FSHR: variants seen among roughly 807,000 people sequenced by gnomAD.
FSHR encodes the protein follicle stimulating hormone receptor, also known as follicle-stimulating hormone receptor.
FSHR carries 46 observed loss-of-function variants against 52.1 expected under a neutral mutation model. The observed-to-expected ratio is 0.88, with a 90% CI of 0.70 to 1.13. FSHR has a LOEUF of 1.13. Ranked by LOEUF, FSHR falls within the 50% of genes most tolerant of loss-of-function variation. The probability of loss-of-function intolerance (pLI) is 0.00; values close to 1 mark genes in which losing one functional copy is unlikely to be tolerated. For synonymous variants in FSHR, 399 were observed against 309.6 expected, an observed-to-expected ratio of 1.29 and a Z score of -3.03; for missense variants, 964 against 834.6, an observed-to-expected ratio of 1.16 and a Z score of -1.91.
At chr2:49,034,928 G>A (rs1415992992) in intron 2 of FSHR, among the ~76,000 whole-genome samples, 1 of 152,162 alleles carries the variant, frequency 6.6e-6, no homozygotes, top group Non-Finnish European at 1.5e-5. Context: ...GTGGAATTTG[G>A]GCATTAGGGA....
chr2:48,968,887 TA>T lies in FSHR; in HGVS notation c.669-5del. ...GATCCTTGTTCTTGAAATATCTCTATAAAGAGAAAAGGTAAATATAACAGGA... is the reference window on the plus strand; with the variant it reads ...GATCCTTGTTCTTGAAATATCTCTATAAGAGAAAAGGTAAATATAACAGGA... On this transcript the variant is annotated splice_polypyrimidine_tract_variant and splice_region_variant and intron_variant, in intron 8 of 9. Coordinates refer to ENST00000406846, the MANE Select transcript of FSHR (RefSeq NM_000145.4). 1.2e-6 allele frequency: 2 copies of T among 1,612,636 alleles called. No individual in the cohort carries two copies. Among genetic ancestry groups the T allele is most frequent in the Non-Finnish European group, 1.7e-6 (2 of 1,179,534 alleles).
At chr2:49,069,098 C>A (rs72877889) in intron 1 of FSHR, among the ~76,000 whole-genome samples, 2,961 of 152,198 alleles carry the variant, frequency 0.019, 91 homozygotes, top group African/African-American at 0.069. Context: ...CTTCCAATGG[C>A]TCCTCATCTC....
At chr2:48,997,655 A>C (rs1676083483) in intron 4 of FSHR, among the ~76,000 whole-genome samples, 1 of 152,056 alleles carries the variant, frequency 6.6e-6, no homozygotes, top group African/African-American at 2.4e-5. Context: ...TTTTAGGACA[A>C]CTTAGCCCCG....
intron 1 of FSHR, among the ~76,000 whole-genome samples, chr2:49,069,855 G>C (rs909576306): frequency 2.0e-5 from 3 of 152,160 alleles, no homozygotes; most frequent in Non-Finnish European, 4.4e-5. Context: ...GGCAGTCTGT[G>C]AGCAGGAATT....
intron 1 of FSHR, among the ~76,000 whole-genome samples, chr2:49,108,550 A>G (rs952723868): frequency 2.0e-5 from 3 of 152,194 alleles, no homozygotes; most frequent in African/African-American, 7.2e-5. Flanking sequence ...AACTAGGCAG[A>G]AGGCTGAGGG....
At chr2:49,145,956 G>A (rs1672853818) in intron 1 of FSHR, among the ~76,000 whole-genome samples, 1 of 152,030 alleles carries the variant, frequency 6.6e-6, no homozygotes, top group South Asian at 2.1e-4. Flanking sequence ...AAGCTGGGGA[G>A]TAGAAAATAG....
chr2:49,085,447 C>T (rs1453254744), intron 1 of FSHR, among the ~76,000 whole-genome samples: 1 of 152,150 alleles, frequency 6.6e-6, no homozygotes, highest in Non-Finnish European at 1.5e-5. Flanking sequence ...CGAAGGGATG[C>T]CCTCTCTCAC....
intron 1 of FSHR, among the ~76,000 whole-genome samples, chr2:49,068,568 T>A (rs575067949): frequency 3.5e-4 from 53 of 152,092 alleles, no homozygotes; most frequent in Non-Finnish European, 5.6e-4. Context: ...AATATGAACC[T>A]TGCTTGTTCC....
At chr2:49,083,516 G>T (rs1228729025) in intron 1 of FSHR, among the ~76,000 whole-genome samples, 3 of 145,600 alleles carry the variant, frequency 2.1e-5, no homozygotes, top group African/African-American at 7.7e-5. Context: ...AATGTAAATG[G>T]ACTAAATGCT....
At chr2:49,124,854 C>G (rs1008737775) in intron 1 of FSHR, among the ~76,000 whole-genome samples, 12 of 152,208 alleles carry the variant, frequency 7.9e-5, no homozygotes, top group African/African-American at 2.9e-4. Context: ...CTTGCCTCAT[C>G]CTGAAAGAAA....
intron 3 of FSHR, among the ~76,000 whole-genome samples, chr2:49,019,666 A>G (rs1667620246): frequency 6.6e-6 from 1 of 152,236 alleles, no homozygotes; most frequent in Admixed American, 6.5e-5. Context: ...ACTGAGTCTC[A>G]GATAGTTATC....
chr2:49,020,228 C>A, intron 2 of FSHR, 68 bp from the exon 3 acceptor site: 1 of 1,266,338 alleles, frequency 7.9e-7, no homozygotes. Flanking sequence ...TAGGGCTCAG[C>A]ATAGAGCCTT....
chr2:49,081,501 T>A (rs1040783999), intron 1 of FSHR, among the ~76,000 whole-genome samples: 19 of 152,180 alleles, frequency 1.2e-4, no homozygotes, highest in African/African-American at 4.3e-4. Context: ...CCAGGGCATA[T>A]CCCAAGCATC....
In FSHR at chr2:48,962,866, TG is replaced by T; in HGVS notation, c.1954del (p.Gln652LysfsTer38). On this transcript the variant is annotated frameshift_variant, in exon 10 of 10. Transcript: ENST00000406846. LOFTEE classifies it high-confidence loss of function. ...SKCGCYEMQA[Q>X]IYRTETSSTV... ...GGATGAAGTTTCTGTCCTATAAATT[TG>T]GGCTTGCATTTCATAGCAGCCACAC... 6.2e-7 allele frequency: 1 copy of T among 1,614,160 alleles called. No homozygotes were observed. Among genetic ancestry groups the T allele is most frequent in the Non-Finnish European group, 8.5e-7 (1 of 1,180,018 alleles).
intron 1 of FSHR, among the ~76,000 whole-genome samples, chr2:49,102,572 G>T (rs1447657559): frequency 6.6e-6 from 1 of 152,112 alleles, no homozygotes; most frequent in African/African-American, 2.4e-5. Flanking sequence ...GACCAGTACT[G>T]GGCAATAAAT....
chr2:49,016,501 C>G (rs1302705378), intron 4 of FSHR, among the ~76,000 whole-genome samples: 1 of 152,156 alleles, frequency 6.6e-6, no homozygotes, highest in Non-Finnish European at 1.5e-5. Context: ...CTATGCTACC[C>G]TGCTAGAAAT....
intron 8 of FSHR, among the ~76,000 whole-genome samples, chr2:48,970,918 A>T (rs1674713567): frequency 6.6e-6 from 1 of 152,098 alleles, no homozygotes; most frequent in Non-Finnish European, 1.5e-5. Flanking sequence ...ATGTGTTTCA[A>T]ATCAGCCTAC....
chr2:49,053,234 C>A (rs1036862954), intron 2 of FSHR, among the ~76,000 whole-genome samples: 1 of 152,148 alleles, frequency 6.6e-6, no homozygotes, highest in African/African-American at 2.4e-5. Flanking sequence ...CTGCATATAC[C>A]ATATTTCAGC....
At chr2:49,089,667 A>G (rs561581163) in intron 1 of FSHR, among the ~76,000 whole-genome samples, 4 of 152,366 alleles carry the variant, frequency 2.6e-5, no homozygotes, top group East Asian at 1.9e-4. Flanking sequence ...TATGTCTCCA[A>G]TTTCTGGAAA....
Sources: allele counts gnomAD v4.1 joint callset (sites outside exome capture counted in the v4.1 genomes callset), GRCh38; gene constraint gnomAD v4.1.1; transcripts MANE v1.5; gene names NCBI Gene and HGNC (gene_info 2026-07-23, HGNC 2026-07-21).